Variants in MINDY4 observed in about 807,000 individuals in gnomAD.
The protein encoded by MINDY4 is MINDY lysine 48 deubiquitinase 4, also known as probable ubiquitin carboxyl-terminal hydrolase MINDY-4.
A neutral mutation model predicts 87.0 loss-of-function variants in MINDY4; 68 were observed. The observed-to-expected ratio is 0.78, with a 90% CI of 0.64 to 0.96. The LOEUF is 0.96. Ranked by LOEUF, MINDY4 falls within the 40% of genes least tolerant of loss-of-function variation. MINDY4 has a pLI of 0.00. For missense variants in MINDY4, 919 were observed against 928.2 expected (o/e 0.99, Z 0.13); for synonymous variants, 379 against 363.2 (o/e 1.04, Z -0.50).
At chr7:30,773,132 C>T (rs1786696099) in intron 1 of MINDY4, among the ~76,000 whole-genome samples, 1 of 152,218 alleles carries the variant, frequency 6.6e-6, no homozygotes, top group Non-Finnish European at 1.5e-5. Context: ...CCCAGGTATA[C>T]TGCTTTCTCA....
At chr7:30,801,352 T>G (rs765936328) in intron 5 of MINDY4, among the ~76,000 whole-genome samples, 40 of 152,194 alleles carry the variant, frequency 2.6e-4, no homozygotes, top group Non-Finnish European at 2.6e-4. Context: ...AATACCTATT[T>G]CCTTTCCAGC....
At chr7:30,831,594 C>G (rs1298814353) in intron 6 of MINDY4, among the ~76,000 whole-genome samples, 7 of 152,092 alleles carry the variant, frequency 4.6e-5, no homozygotes, top group African/African-American at 7.2e-5. Flanking sequence ...GCCTGGGGCT[C>G]TGGTAGAAGG....
chr7:30,828,346 G>A (rs947141314), intron 5 of MINDY4, among the ~76,000 whole-genome samples: 6 of 147,794 alleles, frequency 4.1e-5, no homozygotes, highest in African/African-American at 1.5e-4. Context: ...GTGTGTGTGT[G>A]TGTTTCCCAG....
At chr7:30,877,498 C>T (rs1790298468) in intron 15 of MINDY4, among the ~76,000 whole-genome samples, 1 of 152,048 alleles carries the variant, frequency 6.6e-6, no homozygotes, top group Admixed American at 6.6e-5. Flanking sequence ...TTTTGTTTCC[C>T]TGCGGTAGGT....
intron 6 of MINDY4, among the ~76,000 whole-genome samples, chr7:30,833,769 G>C (rs1464836833): frequency 6.6e-6 from 1 of 152,236 alleles, no homozygotes; most frequent in Non-Finnish European, 1.5e-5. Context: ...CAGGCAGTGG[G>C]AAAATGCAGC....
intron 14 of MINDY4, among the ~76,000 whole-genome samples, chr7:30,874,411 A>T (rs1481597270): frequency 6.6e-6 from 1 of 152,218 alleles, no homozygotes; most frequent in Non-Finnish European, 1.5e-5. Context: ...TGGCTTGAGT[A>T]ACCCACCTGT....
intron 2 of MINDY4, chr7:30,780,716 G>A (rs575932804): frequency 6.6e-6 from 1 of 152,238 alleles, no homozygotes; most frequent in Admixed American, 6.5e-5. Context: ...TTGAGATTTT[G>A]AAAAACAATA....
At chr7:30,815,898 T>C (rs1368961409) in intron 5 of MINDY4, among the ~76,000 whole-genome samples, 1 of 152,134 alleles carries the variant, frequency 6.6e-6, no homozygotes, top group Non-Finnish European at 1.5e-5. Context: ...TAATGCATTT[T>C]TGGGTCTTAA....
chr7:30,814,731 G>A (rs1265911559), intron 5 of MINDY4, among the ~76,000 whole-genome samples: 1 of 152,112 alleles, frequency 6.6e-6, no homozygotes, highest in African/African-American at 2.4e-5. Flanking sequence ...ATTTGCCCAG[G>A]GTCACTTGGA....
At position 30,785,987 on chromosome 7, in the gene MINDY4, C is replaced by G. The variant is rs73685795; in HGVS notation, c.658C>G (p.Pro220Ala). 1.9e-6 allele frequency: 3 copies of G among 1,613,960 alleles called. No homozygotes were observed. The highest frequency in any genetic ancestry group is 1.7e-6 in the Non-Finnish European group (2 of 1,179,950). ...GATGTCTGGGCCCATCGCCAGCTCCCCACAGGTGGGGCTGTTGCTCTTTCT... is the reference window on the plus strand; with the variant it reads ...GATGTCTGGGCCCATCGCCAGCTCCGCACAGGTGGGGCTGTTGCTCTTTCT... ...GMMSGPIASS[P>A]QDSFHRHYLR... The change falls in exon 4 of 18, where the codon CCA becomes GCA. Residue 220 changes from proline to alanine, a missense_variant. Transcript: ENST00000265299.
At chr7:30,796,140 A>C (rs961694005) in intron 5 of MINDY4, among the ~76,000 whole-genome samples, 33 of 149,838 alleles carry the variant, frequency 2.2e-4, no homozygotes, top group Middle Eastern at 6.8e-3. Context: ...TTTTTGTCTC[A>C]CTATGGTTTT....
intron 6 of MINDY4, among the ~76,000 whole-genome samples, chr7:30,834,585 T>TA (rs1306752669): frequency 6.6e-6 from 1 of 152,246 alleles, no homozygotes; most frequent in Non-Finnish European, 1.5e-5. Flanking sequence ...GGCTTCTGGC[T>TA]ACTTATGCAA....
intron 17 of MINDY4, among the ~76,000 whole-genome samples, chr7:30,890,455 C>A (rs1248007236): frequency 1.3e-5 from 2 of 152,204 alleles, no homozygotes; most frequent in African/African-American, 4.8e-5. Flanking sequence ...CCACACCAAA[C>A]CTTTCTATAG....
chr7:30,869,567 C>T (rs1790041041), intron 13 of MINDY4, among the ~76,000 whole-genome samples: 1 of 152,166 alleles, frequency 6.6e-6, no homozygotes, highest in South Asian at 2.1e-4. Context: ...CACTTTCTCA[C>T]TGAGTCCTCA....
intron 9 of MINDY4, among the ~76,000 whole-genome samples, chr7:30,850,180 CCT>C (rs1046078657): frequency 6.6e-6 from 1 of 152,210 alleles, no homozygotes; most frequent in African/African-American, 2.4e-5. Context: ...CCTGCAGAGC[CCT>C]CTTTGCTCCT....
intron 15 of MINDY4, among the ~76,000 whole-genome samples, chr7:30,881,011 C>A (rs1400354599): frequency 2.6e-5 from 4 of 152,194 alleles, no homozygotes; most frequent in Non-Finnish European, 5.9e-5. Context: ...AAAGTATGCC[C>A]TTCTCCCCAC....
intron 1 of MINDY4, among the ~76,000 whole-genome samples, chr7:30,775,502 A>C (rs1312641401): frequency 1.3e-5 from 2 of 152,194 alleles, no homozygotes; most frequent in Admixed American, 1.3e-4. Context: ...GAACTGCCTG[A>C]ACCCCATCAT....
intron 5 of MINDY4, among the ~76,000 whole-genome samples, chr7:30,796,009 G>A (rs894625575): frequency 6.6e-6 from 1 of 152,232 alleles, no homozygotes; most frequent in African/African-American, 2.4e-5. Flanking sequence ...ATCCCCCCTT[G>A]CCATGTAACC....
intron 5 of MINDY4, among the ~76,000 whole-genome samples, chr7:30,794,428 G>A (rs1025965287): frequency 3.3e-5 from 5 of 152,142 alleles, no homozygotes; most frequent in African/African-American, 1.2e-4. Context: ...CTGGAGGAGA[G>A]GGAGCTACTT....
Sources: gnomAD v4.1 joint callset for allele counts (sites outside exome capture counted in the v4.1 genomes callset) on GRCh38, gnomAD v4.1.1 for gene constraint, MANE v1.5 for transcripts, NCBI Gene and HGNC (gene_info 2026-07-23, HGNC 2026-07-21) for gene names.